Variants in GRIP1 observed in about 807,000 individuals in gnomAD.
GRIP1 encodes the protein glutamate receptor interacting protein 1.
GRIP1 carries 45 observed loss-of-function variants against 129.9 expected under a neutral mutation model. The ratio of observed to expected loss-of-function variants is 0.35; its 90% CI spans 0.27 to 0.44. GRIP1 has a LOEUF of 0.44. Among genes scored for constraint, GRIP1 ranks in the 20% least tolerant of loss-of-function variants. The probability of loss-of-function intolerance (pLI) is 1.00; values close to 1 mark genes in which losing one functional copy is unlikely to be tolerated. For synonymous variants in GRIP1, 530 were observed against 520.8 expected (o/e 1.02, Z -0.24); for missense variants, 1,196 against 1,396.8 (o/e 0.86, Z 2.29).
chr12:67,041,293 T>C (rs1459960445), intron 1 of GRIP1, among the ~76,000 whole-genome samples: 3 of 152,078 alleles, frequency 2.0e-5, no homozygotes, highest in Admixed American at 1.3e-4. Flanking sequence ...CACACAAATA[T>C]ATATACACAT....
At chr12:66,878,763 TATATA>T (rs1360737698) in intron 1 of GRIP1, among the ~76,000 whole-genome samples, 3 of 151,874 alleles carry the variant, frequency 2.0e-5, no homozygotes, top group Non-Finnish European at 4.4e-5. Context: ...CAAGAAAGAA[TATATA>T]ATATGTTATA....
At chr12:66,809,054 C>A (rs571717858), upstream of GRIP1, among the ~76,000 whole-genome samples, 1 of 152,286 alleles carries the variant, frequency 6.6e-6, no homozygotes, top group South Asian at 2.1e-4. Context: ...GAAAATAAAG[C>A]AGTTTGAAGT....
chr12:66,496,592 C>T (rs1262093840), intron 7 of GRIP1, among the ~76,000 whole-genome samples: 1 of 152,166 alleles, frequency 6.6e-6, no homozygotes, highest in Non-Finnish European at 1.5e-5. Context: ...ATGTCTCTTA[C>T]AGCCCTTCAA....
chr12:66,575,657 G>C (rs1029468706), intron 2 of GRIP1, among the ~76,000 whole-genome samples: 1 of 152,128 alleles, frequency 6.6e-6, no homozygotes, highest in Non-Finnish European at 1.5e-5. Context: ...CTGCAAGAAT[G>C]GTAGCTAAAA....
intron 1 of GRIP1, among the ~76,000 whole-genome samples, chr12:66,945,491 C>A (rs539817163): frequency 3.9e-5 from 6 of 152,112 alleles, no homozygotes; most frequent in Non-Finnish European, 7.4e-5. Context: ...TCTGGGGAGG[C>A]CTTAGGAAGC....
At chr12:66,892,886 G>A (rs1309440037) in intron 1 of GRIP1, among the ~76,000 whole-genome samples, 2 of 152,116 alleles carry the variant, frequency 1.3e-5, no homozygotes, top group African/African-American at 2.4e-5. Flanking sequence ...AGGATTGCTG[G>A]AGCCTAGGAG....
chr12:66,604,805 C>T (rs1452804160), intron 1 of GRIP1, among the ~76,000 whole-genome samples: 2 of 152,112 alleles, frequency 1.3e-5, no homozygotes, highest in South Asian at 4.1e-4. Context: ...GTAATGAGTA[C>T]TGGCTATTTA....
intron 8 of GRIP1, among the ~76,000 whole-genome samples, chr12:66,464,982 C>T (rs1678263391): frequency 7.2e-6 from 1 of 139,254 alleles, no homozygotes; most frequent in Non-Finnish European, 1.5e-5. Flanking sequence ...TGGAGTTTCA[C>T]TCTTGTTGCC....
chr12:66,372,756 GAA>G lies in GRIP1; in HGVS notation c.2779-831_2779-830del, dbSNP rs35922443. Among the ~76,000 whole-genome samples the G allele has an allele frequency of 5.1e-3, 739 of 145,892 alleles. 7 individuals are homozygous for G. Among genetic ancestry groups the G allele is most frequent in the African/African-American group, 0.014 (568 of 39,782 alleles). On this transcript the variant is annotated intron_variant, in intron 22 of 24. Coordinates refer to ENST00000359742, the MANE Select transcript of GRIP1 (RefSeq NM_001366722.1). ...CAAAGATGAATAAGGCTCAGAACTGGAAAAAAAAAAAAAGGATTTGAAACCAA... is the reference window on the plus strand; with the variant it reads ...CAAAGATGAATAAGGCTCAGAACTGGAAAAAAAAAAAGGATTTGAAACCAA...
intron 1 of GRIP1, among the ~76,000 whole-genome samples, chr12:66,780,652 C>T (rs1343771358): frequency 6.6e-6 from 1 of 152,216 alleles, no homozygotes; most frequent in African/African-American, 2.4e-5. Context: ...ACACCTTTCC[C>T]ATTGAGTGAT....
intron 1 of GRIP1, among the ~76,000 whole-genome samples, chr12:66,979,157 T>C (rs2042198380): frequency 7.2e-6 from 1 of 139,108 alleles, no homozygotes; most frequent in African/African-American, 2.7e-5. Context: ...ATCCCAAGCA[T>C]TTTGATCCCC....
chr12:66,573,532 G>A (rs959241094), intron 2 of GRIP1, among the ~76,000 whole-genome samples: 1 of 152,178 alleles, frequency 6.6e-6, no homozygotes, highest in African/African-American at 2.4e-5. Context: ...TGGGAAAACT[G>A]AAGCATGAAA....
In GRIP1 at chr12:66,353,410, G is replaced by A. The variant is rs1565657384; in HGVS notation, c.3159+7C>T. 5 of 1,602,030 alleles carry A rather than the reference G, an allele frequency of 3.1e-6. No homozygotes were observed. Among genetic ancestry groups the A allele is most frequent in the Non-Finnish European group, 4.3e-6 (5 of 1,169,100 alleles). On this transcript the variant is annotated splice_region_variant and intron_variant, in intron 24 of 24. Coordinates refer to ENST00000359742, the MANE Select transcript of GRIP1 (RefSeq NM_001366722.1). ...GCAAGGAATTAAAATTCCACCTGAG[G>A]TCTTACCTGTAAGAGCCTGTCATAG...
chr12:66,796,381 G>T (rs2038699325), intron 1 of GRIP1, among the ~76,000 whole-genome samples: 1 of 151,794 alleles, frequency 6.6e-6, no homozygotes, highest in African/African-American at 2.4e-5. Flanking sequence ...CCATCCAGAA[G>T]ATGGCAAGGG....
At chr12:66,435,813 C>T (rs1194784064) in intron 13 of GRIP1, among the ~76,000 whole-genome samples, 1 of 152,224 alleles carries the variant, frequency 6.6e-6, no homozygotes, top group Non-Finnish European at 1.5e-5. Context: ...CTTCTGACTA[C>T]ATGAGATTTG....
At chr12:66,495,121 T>C (rs1402636657) in intron 7 of GRIP1, among the ~76,000 whole-genome samples, 1 of 152,228 alleles carries the variant, frequency 6.6e-6, no homozygotes, top group African/African-American at 2.4e-5. Flanking sequence ...GGATGCCATC[T>C]ATGATGCTTA....
intron 1 of GRIP1, among the ~76,000 whole-genome samples, chr12:67,040,703 T>TA (rs1441453211): frequency 6.6e-6 from 1 of 152,090 alleles, no homozygotes; most frequent in Admixed American, 6.6e-5. Context: ...ACAGAGATAA[T>TA]AAAAAAATTG....
chr12:66,637,057 A>C (rs1592682974), intron 1 of GRIP1, among the ~76,000 whole-genome samples: 1 of 152,036 alleles, frequency 6.6e-6, no homozygotes, highest in Admixed American at 6.6e-5. Context: ...CAGGCCCATA[A>C]CCCAGCCAGG....
intron 1 of GRIP1, among the ~76,000 whole-genome samples, chr12:66,933,536 T>A (rs922070815): frequency 6.6e-6 from 1 of 152,162 alleles, no homozygotes; most frequent in Non-Finnish European, 1.5e-5. Context: ...ATGTTATTCA[T>A]ATTTAGTTCA....
Sources: gnomAD v4.1 joint callset for allele counts (sites outside exome capture counted in the v4.1 genomes callset) on GRCh38, gnomAD v4.1.1 for gene constraint, MANE v1.5 for transcripts, NCBI Gene and HGNC (gene_info 2026-07-23, HGNC 2026-07-21) for gene names.